Variants in ARID5B observed in about 807,000 individuals in gnomAD.
The protein encoded by ARID5B is AT-rich interaction domain 5B, also known as AT-rich interactive domain-containing protein 5B.
A neutral mutation model predicts 97.2 loss-of-function variants in ARID5B; 13 were observed. That is an observed-to-expected ratio of 0.13 (90% CI 0.09 to 0.21). The LOEUF (loss-of-function observed/expected upper bound fraction) is 0.21. ARID5B is among the 10% of genes least tolerant of loss of function. ARID5B has a pLI of 1.00. For missense variants in ARID5B, 1,210 were observed against 1,465.3 expected (o/e 0.83, Z 2.84); for synonymous variants, 556 against 570.3 (o/e 0.97, Z 0.36).
chr10:62,093,656 T>A lies in ARID5B; in HGVS notation c.*626T>A, dbSNP rs965626253. 7 of 211,314 alleles carry A rather than the reference T, an allele frequency of 3.3e-5. No homozygotes were observed. In the South Asian group the frequency reaches 9.6e-4, roughly 29 times the overall value. 13.1% of individuals were successfully genotyped at this position (211,314 alleles called of 1,614,324 possible). Reference sequence around the variant, plus strand: ...TTCTCCCAGTTCCTTCTCGTCTTTTTTTTTTTTTTTTTTTTTTTTTTTATT... The same window carrying A: ...TTCTCCCAGTTCCTTCTCGTCTTTTATTTTTTTTTTTTTTTTTTTTTTATT... On this transcript the variant is annotated 3_prime_UTR_variant, in exon 10 of 10. Coordinates refer to ENST00000279873, the MANE Select transcript of ARID5B (RefSeq NM_032199.3).
chr10:61,901,807 G>A, intron 1 of ARID5B, 77 bp downstream of exon 1: 2 of 1,163,744 alleles, frequency 1.7e-6, no homozygotes, highest in East Asian at 2.4e-5. Flanking sequence ...CCACACCTCT[G>A]CACCCACCCA....
intron 3 of ARID5B, among the ~76,000 whole-genome samples, chr10:61,944,441 A>G (rs1844467842): frequency 6.6e-6 from 1 of 152,184 alleles, no homozygotes; most frequent in African/African-American, 2.4e-5. Flanking sequence ...CAAAATTTTT[A>G]GTAAGTAAGG....
At chr10:61,990,039 C>T (rs1270748847) in intron 3 of ARID5B, among the ~76,000 whole-genome samples, 1 of 152,138 alleles carries the variant, frequency 6.6e-6, no homozygotes, top group African/African-American at 2.4e-5. Context: ...AGATCTGCCC[C>T]ATCCCTATGT....
chr10:62,012,975 C>A (rs1839236375), intron 4 of ARID5B, among the ~76,000 whole-genome samples: 1 of 152,080 alleles, frequency 6.6e-6, no homozygotes, highest in African/African-American at 2.4e-5. Flanking sequence ...CATCTTTATA[C>A]ATAAAAGCAT....
intron 3 of ARID5B, among the ~76,000 whole-genome samples, chr10:61,951,764 A>C (rs923269241): frequency 2.0e-5 from 3 of 152,232 alleles, no homozygotes; most frequent in African/African-American, 7.2e-5. Flanking sequence ...TGCATGTATC[A>C]GTGAGAATTT....
intron 2 of ARID5B, among the ~76,000 whole-genome samples, chr10:61,925,671 G>A (rs190385854): frequency 1.3e-5 from 2 of 152,252 alleles, no homozygotes; most frequent in Non-Finnish European, 2.9e-5. Flanking sequence ...AAGCCCAAGA[G>A]GAAAGAAATG....
intron 2 of ARID5B, among the ~76,000 whole-genome samples, chr10:61,922,466 G>A (rs1003095055): frequency 3.3e-5 from 5 of 152,196 alleles, no homozygotes; most frequent in African/African-American, 4.8e-5. Context: ...AGCTGGGCGT[G>A]GTGGCACATG....
chr10:62,027,113 G>T (rs987142760), intron 4 of ARID5B, among the ~76,000 whole-genome samples: 6 of 151,808 alleles, frequency 4.0e-5, no homozygotes, highest in Non-Finnish European at 8.8e-5. Context: ...TGATACAAAA[G>T]GAAACAGTCT....
chr10:61,956,615 C>CT (rs1838394911), intron 3 of ARID5B, among the ~76,000 whole-genome samples: 1 of 152,214 alleles, frequency 6.6e-6, no homozygotes, highest in African/African-American at 2.4e-5. Flanking sequence ...AGGTCAAACA[C>CT]TAATAACCTC....
At chr10:62,086,253 C>A (rs567509377) in intron 9 of ARID5B, among the ~76,000 whole-genome samples, 6 of 152,326 alleles carry the variant, frequency 3.9e-5, no homozygotes, top group South Asian at 4.1e-4. Context: ...GGCTTCTTGG[C>A]CGCTCCACAG....
chr10:61,928,088 G>T (rs1454234257), intron 2 of ARID5B, among the ~76,000 whole-genome samples: 1 of 152,072 alleles, frequency 6.6e-6, no homozygotes, highest in Non-Finnish European at 1.5e-5. Flanking sequence ...CAGGCTGGTG[G>T]CATCCCTTTA....
chr10:61,936,844 C>A (rs1312736339), intron 2 of ARID5B, among the ~76,000 whole-genome samples: 1 of 133,264 alleles, frequency 7.5e-6, no homozygotes, highest in African/African-American at 2.8e-5. Flanking sequence ...TTTTTTTCTT[C>A]CCCAAAAAAA....
chr10:61,939,432 A>T, intron 2 of ARID5B, among the ~76,000 whole-genome samples: 1 of 152,188 alleles, frequency 6.6e-6, no homozygotes, highest in Middle Eastern at 3.2e-3. Flanking sequence ...CTTAACATTC[A>T]AATTTATGAT....
At chr10:62,089,582 C>T (rs1193511826) in intron 9 of ARID5B, among the ~76,000 whole-genome samples, 1 of 140,596 alleles carries the variant, frequency 7.1e-6, no homozygotes, top group African/African-American at 2.7e-5. Context: ...AGCTATAGTG[C>T]AATGGCATGA....
At chr10:61,963,759 G>T (rs1838506421) in intron 3 of ARID5B, among the ~76,000 whole-genome samples, 1 of 151,892 alleles carries the variant, frequency 6.6e-6, no homozygotes, top group Admixed American at 6.6e-5. Context: ...GGAGACTTCG[G>T]TCATCTTTGA....
Position 62,092,549 on chromosome 10 carries a change from G to C in ARID5B, c.3086G>C (p.Arg1029Pro), listed in dbSNP as rs755680117. ...LDLVIAGKKA[R>P]AVSPLDPSKE... is the part of the protein sequence containing the mutation. ...CTTGTGATTGCAGGGAAAAAGGCCC[G>C]GGCAGTGTCTCCCTTAGACCCATCC... is the stretch of plus-strand genomic sequence containing the variant. The change falls in exon 10 of 10, where the codon CGG becomes CCG. Residue 1029 changes from arginine to proline, a missense_variant. By Grantham distance (103) the Arg-to-Pro change is moderately radical (BLOSUM62 -2). This residue lies in a region of ARID5B where 800 missense variants were observed against 839.1 expected (regional missense o/e 0.95). Transcript: ENST00000279873. 1 of 1,614,162 alleles carries C rather than the reference G, an allele frequency of 6.2e-7. No homozygotes were observed. The highest frequency in any genetic ancestry group is 8.5e-7 in the Non-Finnish European group (1 of 1,180,024).
chr10:62,087,160 G>C (rs1275389940), intron 9 of ARID5B, among the ~76,000 whole-genome samples: 1 of 151,372 alleles, frequency 6.6e-6, no homozygotes, highest in Non-Finnish European at 1.5e-5. Context: ...TTAGCCAGGC[G>C]TGGTGGTGGG....
At chr10:61,912,374 A>G (rs1414986788) in intron 2 of ARID5B, among the ~76,000 whole-genome samples, 1 of 151,614 alleles carries the variant, frequency 6.6e-6, no homozygotes, top group Non-Finnish European at 1.5e-5. Context: ...ACTATAGTTA[A>G]TAGTACTGTA....
chr10:62,091,980 C>T lies in ARID5B; in HGVS notation c.2517C>T (p.Ser839=). The T allele has an allele frequency of 6.2e-7, 1 of 1,613,840 alleles. No individual in the cohort carries two copies. The part of the protein sequence containing the change: ...ADFYSSPHLH[S]LYRHTEHHLH... Reference sequence around the variant, plus strand: ...TCTACTCGTCCCCTCATCTCCATAGCCTCTACAGACACACCGAGCACCATC... The same window carrying T: ...TCTACTCGTCCCCTCATCTCCATAGTCTCTACAGACACACCGAGCACCATC... The change falls in exon 10 of 10, where the codon AGC becomes AGT. Residue 839 remains serine (S), a synonymous_variant. Transcript: ENST00000279873.
Sources: gnomAD v4.1 joint callset for allele counts (sites outside exome capture counted in the v4.1 genomes callset) on GRCh38, gnomAD v4.1.1 for gene constraint, gnomAD v4.1.1 regional missense constraint, MANE v1.5 for transcripts, NCBI Gene and HGNC (gene_info 2026-07-23, HGNC 2026-07-21) for gene names.